SNW1: variants seen among roughly 807,000 people sequenced by gnomAD.
The protein encoded by SNW1 is SNW domain-containing protein 1.
Under a neutral mutation model 75.6 loss-of-function variants are expected in SNW1, and 9 were observed. That is an observed-to-expected ratio of 0.12 (90% CI 0.07 to 0.21). The LOEUF is 0.21. Ranked by LOEUF, SNW1 falls within the 10% of genes least tolerant of loss-of-function variation. The pLI, the probability that SNW1 is intolerant of heterozygous loss-of-function variation, is 1.00. For missense variants in SNW1, 409 were observed against 670.9 expected (o/e 0.61, Z 4.31); for synonymous variants, 200 against 219.1 (o/e 0.91, Z 0.77).
chr14:77,739,862 C>T (rs1321801513), intron 3 of SNW1, among the ~76,000 whole-genome samples: 1 of 151,944 alleles, frequency 6.6e-6, no homozygotes, highest in Non-Finnish European at 1.5e-5. Context: ...GGGCCGGGCG[C>T]GGTGGCTCAC....
At chr14:77,745,418 T>C (rs2080753371) in intron 3 of SNW1, among the ~76,000 whole-genome samples, 1 of 152,182 alleles carries the variant, frequency 6.6e-6, no homozygotes, top group African/African-American at 2.4e-5. Context: ...TGAATGTTTT[T>C]TCTTCTTGGC....
At chr14:77,744,399 G>A (rs1471819812) in intron 3 of SNW1, among the ~76,000 whole-genome samples, 1 of 131,800 alleles carries the variant, frequency 7.6e-6, no homozygotes, top group African/African-American at 2.9e-5. Context: ...AGGTTGCAGT[G>A]AGCCAAGATT....
In SNW1 at chr14:77,732,605, G is replaced by A; in HGVS notation, c.775-4C>T. ...TGTCTAATGGAATTGTATAACCCTA[G>A]AGTGAAAGCAGACAGAAAACCCAGT... On this transcript the variant is annotated splice_polypyrimidine_tract_variant and splice_region_variant and intron_variant, in intron 8 of 13. Coordinates refer to ENST00000261531, the MANE Select transcript of SNW1 (RefSeq NM_012245.3). The A allele has an allele frequency of 1.3e-6, 2 of 1,492,644 alleles. No homozygotes were observed. The highest frequency in any genetic ancestry group is 1.9e-6 in the Non-Finnish European group (2 of 1,073,276). 92.5% of individuals were successfully genotyped at this position (1,492,644 alleles called of 1,614,324 possible). A position where few individuals can be genotyped will look rare whatever the true frequency, so the allele number is the denominator to read the frequency against.
chr14:77,736,932 G>T, intron 6 of SNW1, 39 bp downstream of exon 6: 1 of 1,372,774 alleles, frequency 7.3e-7, no homozygotes, highest in Non-Finnish European at 1.0e-6. Context: ...ATTCATCCAT[G>T]TTATTGTGTG....
intron 10 of SNW1, 68 bp from the exon 11 acceptor site, chr14:77,723,345 G>GTA (rs1355610379): frequency 2.6e-6 from 3 of 1,164,442 alleles, no homozygotes; most frequent in Non-Finnish European, 3.9e-6. Flanking sequence ...GTACACGTGT[G>GTA]TATATATATA....
intron 3 of SNW1, among the ~76,000 whole-genome samples, chr14:77,740,476 G>A (rs1457073591): frequency 1.3e-5 from 2 of 152,132 alleles, no homozygotes; most frequent in South Asian, 2.1e-4. Flanking sequence ...ACCTGACTTT[G>A]CCTATGCCTT....
At chr14:77,726,406 G>A (rs2080584885) in intron 10 of SNW1, among the ~76,000 whole-genome samples, 1 of 152,110 alleles carries the variant, frequency 6.6e-6, no homozygotes, top group African/African-American at 2.4e-5. Flanking sequence ...TAATCCTTCT[G>A]CCTTGGCCTC....
intron 11 of SNW1, chr14:77,722,957 G>C (rs2080554786): frequency 4.8e-5 from 23 of 480,902 alleles, no homozygotes; most frequent in South Asian, 4.6e-4. Flanking sequence ...CCATTCTCCT[G>C]CCTCAGCCTG....
At chr14:77,722,567 C>A in intron 11 of SNW1, 1 of 429,312 alleles carries the variant, frequency 2.3e-6, no homozygotes, top group Non-Finnish European at 4.6e-6. Context: ...TATAACAGTC[C>A]AAATTTACTA....
At chr14:77,718,591 A>G (rs1595070659) in intron 12 of SNW1, 61 bp from the exon 13 acceptor site, 2 of 1,156,430 alleles carry the variant, frequency 1.7e-6, no homozygotes, top group East Asian at 2.4e-5. Flanking sequence ...AAGCTGAATC[A>G]TAACATGTTT....
intron 6 of SNW1, among the ~76,000 whole-genome samples, chr14:77,736,628 A>T (rs192785475): frequency 3.9e-4 from 60 of 152,344 alleles, no homozygotes; most frequent in Non-Finnish European, 6.9e-4. Context: ...AGCTATACAT[A>T]TTTAAAGCAT....
intron 11 of SNW1, chr14:77,722,838 CTTTTTTTTT>C: frequency 2.1e-5 from 6 of 286,658 alleles, no homozygotes; most frequent in Non-Finnish European, 3.1e-5. Context: ...TGGTACATAT[CTTTTTTTTT>C]TTTTTTTTTT....
At chr14:77,752,096 C>G (rs116345066) in intron 2 of SNW1, among the ~76,000 whole-genome samples, 1,918 of 151,966 alleles carry the variant, frequency 0.013, 36 homozygotes, top group African/African-American at 0.041. Context: ...ATGGCTAGGA[C>G]AAGGCAAAAT....
At chr14:77,751,805 GACACACACAC>G (rs61135876) in intron 2 of SNW1, among the ~76,000 whole-genome samples, 18,461 of 139,482 alleles carry the variant, frequency 0.13, 1,274 homozygotes, top group Non-Finnish European at 0.15. Flanking sequence ...GTCATGGGAA[GACACACACAC>G]ACACACACAC....
Position 77,718,103 on chromosome 14 carries a change from C to T in SNW1, c.1596G>A (p.Lys532=), listed in dbSNP as rs528939083. The change falls in exon 14 of 14, where the codon AAG becomes AAA. Residue 532 remains lysine, a synonymous_variant. Transcript: ENST00000261531. ...RPKEHEHEGK[K]RRKE ...AGACCTGTGCCTATTCCTTCCTCCTCTTCTTGCCTTCATGCTCGTGTTCCT... is the reference window on the plus strand; with the variant it reads ...AGACCTGTGCCTATTCCTTCCTCCTTTTCTTGCCTTCATGCTCGTGTTCCT... 2.6e-5 allele frequency: 42 copies of T among 1,590,440 alleles called. No homozygotes were observed. The South Asian group carries it at 4.3e-4, about 16-fold the overall frequency.
chr14:77,749,749 A>G (rs2080792938), intron 3 of SNW1, among the ~76,000 whole-genome samples: 1 of 152,258 alleles, frequency 6.6e-6, no homozygotes, highest in Non-Finnish European at 1.5e-5. Flanking sequence ...TCTAAAAAAG[A>G]ATAAACAAAC....
At position 77,718,500 on chromosome 14, in the gene SNW1, C is replaced by T; in HGVS notation, c.1279G>A (p.Asp427Asn). ...TGATCATAAACATTATAAATTTCAT[C>T]TTCTCCACCTGCAAATCCACTGTCC... ...GMDSGFAGGE[D>N]EIYNVYDQAW... The change falls in exon 13 of 14, where the codon GAT becomes AAT. Residue 427 changes from aspartate to asparagine, a missense_variant. Around this residue, in one of 9 missense-constraint regions of SNW1, gnomAD observed 126 missense variants for 167.6 expected, o/e 0.75. Transcript: ENST00000261531. 6.2e-7 allele frequency: 1 copy of T among 1,612,720 alleles called. No individual in the cohort carries two copies. The highest frequency in any genetic ancestry group is 8.5e-7 in the Non-Finnish European group (1 of 1,178,968).
At chr14:77,720,919 G>A in intron 11 of SNW1, 91 bp from the exon 12 acceptor site, 1 of 804,418 alleles carries the variant, frequency 1.2e-6, no homozygotes, top group Non-Finnish European at 2.1e-6. Context: ...AGAAACAAAG[G>A]ATGTGAATAT....
At chr14:77,741,505 G>A (rs916592273) in intron 3 of SNW1, among the ~76,000 whole-genome samples, 14 of 152,106 alleles carry the variant, frequency 9.2e-5, no homozygotes, top group African/African-American at 3.4e-4. Context: ...AGAGGGATCA[G>A]GTAAGAAAGC....
Sources: gnomAD v4.1 joint callset for allele counts (sites outside exome capture counted in the v4.1 genomes callset) on GRCh38, gnomAD v4.1.1 for gene constraint, gnomAD v4.1.1 regional missense constraint, MANE v1.5 for transcripts, NCBI Gene and HGNC (gene_info 2026-07-23, HGNC 2026-07-21) for gene names.